Variants in GLB1L2 observed in about 807,000 individuals in gnomAD.
The protein encoded by GLB1L2 is galactosidase beta 1 like 2, also known as beta-galactosidase-1-like protein 2.
In GLB1L2, 68 loss-of-function variants were observed where a neutral mutation model predicts 84.1. The observed-to-expected ratio is 0.81, with a 90% CI of 0.67 to 0.99. GLB1L2 has a LOEUF of 0.99. GLB1L2 is among the 50% of genes least tolerant of loss of function. The probability of loss-of-function intolerance (pLI) is 0.00; values close to 1 mark genes in which losing one functional copy is unlikely to be tolerated. For synonymous variants in GLB1L2, 290 were observed against 318.0 expected (o/e 0.91, Z 0.94); for missense variants, 762 against 805.6 (o/e 0.95, Z 0.66).
At chr11:134,347,757 G>C (rs1943572230) in intron 5 of GLB1L2, among the ~76,000 whole-genome samples, 1 of 152,186 alleles carries the variant, frequency 6.6e-6, no homozygotes, top group Non-Finnish European at 1.5e-5. Context: ...GTTCCACAGA[G>C]ACAGGGATGA....
At chr11:134,343,936 A>G (rs769991714) in intron 2 of GLB1L2, among the ~76,000 whole-genome samples, 9 of 152,146 alleles carry the variant, frequency 5.9e-5, no homozygotes, top group Admixed American at 3.3e-4. Context: ...CCGCCTCTCG[A>G]GTTGAGCCTG....
chr11:134,359,436 G>A (rs1451910599), intron 7 of GLB1L2: 7 of 265,040 alleles, frequency 2.6e-5, no homozygotes, highest in African/African-American at 4.4e-5. Flanking sequence ...TCAGAACATC[G>A]CAGCTCCGTT....
intron 5 of GLB1L2, 179 bp from the exon 6 acceptor site, chr11:134,356,122 G>T: frequency 2.8e-6 from 2 of 706,440 alleles, no homozygotes; most frequent in South Asian, 1.4e-5. Context: ...TTGTTTTCTT[G>T]ATGTTTTCAT....
At chr11:134,352,174 T>C (rs1943643418) in intron 5 of GLB1L2, among the ~76,000 whole-genome samples, 1 of 152,180 alleles carries the variant, frequency 6.6e-6, no homozygotes, top group South Asian at 2.1e-4. Flanking sequence ...AGTTTTGGCA[T>C]ATTATATATT....
Position 134,359,055 on chromosome 11 carries a change from C to A in GLB1L2, c.652-5C>A. The A allele has an allele frequency of 6.3e-7, 1 of 1,584,218 alleles. No homozygotes were observed. Among genetic ancestry groups the A allele is most frequent in the Non-Finnish European group, 8.6e-7 (1 of 1,164,996 alleles). On this transcript the variant is annotated splice_polypyrimidine_tract_variant and splice_region_variant and intron_variant, in intron 6 of 18. Transcript: ENST00000535456. ...AGACGAGGGCTTGTCTCATTTCCCC[C>A]ACAGGCACTGGAGGACCGTGGCATT... is the stretch of plus-strand genomic sequence containing the variant.
intron 7 of GLB1L2, among the ~76,000 whole-genome samples, chr11:134,363,289 T>G (rs1163654883): frequency 6.6e-6 from 1 of 152,194 alleles, no homozygotes; most frequent in Non-Finnish European, 1.5e-5. Flanking sequence ...AGAGGCAAGT[T>G]ATTTCACTTC....
intron 1 of GLB1L2, 75 bp from the exon 2 acceptor site, chr11:134,342,678 AC>A: frequency 7.1e-7 from 1 of 1,399,818 alleles, no homozygotes; most frequent in Non-Finnish European, 9.8e-7. Flanking sequence ...AATGCCGAGG[AC>A]CTGCGAAGGG....
chr11:134,342,635 C>A, intron 1 of GLB1L2, 119 bp from the exon 2 acceptor site: 1 of 1,026,368 alleles, frequency 9.7e-7, no homozygotes, highest in Non-Finnish European at 1.4e-6. Flanking sequence ...GAGCTTTTCC[C>A]AGCCACCTGG....
rs565660483 is a variant in GLB1L2, at chr11:134,370,817, G to C, written c.1216-191G>C. ...CCTGCCTGCGGACTGCACTCTGCTG[G>C]TGCACACCCCTTTGCCCCACTCCTC... On this transcript the variant is annotated intron_variant, in intron 12 of 18. Transcript: ENST00000535456. This position sits in a 1 kb window ranked among gnomAD's most constrained non-coding sequence, Gnocchi z 4.7. Among the ~76,000 whole-genome samples, 2 of 152,262 alleles carry C rather than the reference G, an allele frequency of 1.3e-5. No individual in the cohort carries two copies. The highest frequency in any genetic ancestry group is 1.3e-4 in the Admixed American group (2 of 15,294).
chr11:134,364,295 C>T (rs1019702042), intron 7 of GLB1L2, 33 bp from the exon 8 acceptor site: 1 of 1,581,046 alleles, frequency 6.3e-7, no homozygotes, highest in Non-Finnish European at 8.7e-7. Context: ...TGAGACAGTG[C>T]TTTGTCTCTC....
intron 8 of GLB1L2, among the ~76,000 whole-genome samples, chr11:134,366,413 T>C (rs1383302219): frequency 3.3e-5 from 5 of 152,214 alleles, no homozygotes; most frequent in Non-Finnish European, 7.3e-5. Flanking sequence ...ATTTTGTTGC[T>C]GTGTATGCGG....
At chr11:134,344,076 GT>G (rs749943954) in intron 2 of GLB1L2, among the ~76,000 whole-genome samples, 1 of 152,204 alleles carries the variant, frequency 6.6e-6, no homozygotes, top group African/African-American at 2.4e-5. Flanking sequence ...CCTTGTAGCT[GT>G]TTTTTTGATA....
At position 134,373,806 on chromosome 11, in the gene GLB1L2, G is replaced by T. The variant is rs780771094; in HGVS notation, c.1593G>T (p.Gln531His). 1 of 1,602,904 alleles carries T rather than the reference G, an allele frequency of 6.2e-7. No homozygotes were observed. The highest frequency in any genetic ancestry group is 1.3e-5 in the African/African-American group (1 of 74,858). The change falls in exon 16 of 19, where the codon CAG (glutamine) becomes CAT (histidine). Residue 531 changes from glutamine (Q) to histidine (H), a missense_variant and splice_region_variant. Transcript: ENST00000535456. ...TGGATATGAAGAAGAGCTTCTTTCA[G>T]AGGTGGGTCCCTGCCCAGCACCAGC... ...YSLDMKKSFF[Q>H]RFGLDKWSSL...
In GLB1L2 at chr11:134,364,189, C is replaced by T. The variant is rs575338491; in HGVS notation, c.734-139C>T. On this transcript the variant is annotated intron_variant, in intron 7 of 18. Transcript: ENST00000535456. ...AGCCACCGCGCCTGACTGTGGCTGA[C>T]TTCTAACTGGAGGTGGGAAACGGTG... is the stretch of plus-strand genomic sequence containing the variant. 6.6e-5 allele frequency: 46 copies of T among 698,018 alleles called. No individual in the cohort carries two copies. The South Asian group carries it at 8.1e-4, about 12-fold the overall frequency. 43.2% of individuals were successfully genotyped at this position (698,018 alleles called of 1,614,324 possible). A position where few individuals can be genotyped will look rare whatever the true frequency, so the allele number is the denominator to read the frequency against.
chr11:134,353,405 G>GT (rs938143822), intron 5 of GLB1L2, among the ~76,000 whole-genome samples: 79 of 151,512 alleles, frequency 5.2e-4, no homozygotes, highest in African/African-American at 8.2e-4. Context: ...GCAAGACTCT[G>GT]TTTTTTTTTA....
chr11:134,343,337 C>G (rs2136264115), intron 2 of GLB1L2, among the ~76,000 whole-genome samples: 1 of 152,274 alleles, frequency 6.6e-6, no homozygotes, highest in East Asian at 1.9e-4. Context: ...TTTCAGCACT[C>G]CTCTTGGGCA....
intron 16 of GLB1L2, 44 bp from the exon 17 acceptor site, chr11:134,374,101 T>C: frequency 4.3e-6 from 6 of 1,408,094 alleles, no homozygotes; most frequent in Non-Finnish European, 6.0e-6. Context: ...GCTGGTGGAT[T>C]GAGAAGGGCC....
At chr11:134,367,411 G>A (rs548173840) in intron 9 of GLB1L2, 70 bp downstream of exon 9, 20 of 1,314,646 alleles carry the variant, frequency 1.5e-5, no homozygotes, top group Non-Finnish European at 2.2e-5. Flanking sequence ...TCAGTCACCT[G>A]CTAACTAATG....
rs201243694 is a variant in GLB1L2, at chr11:134,371,496, C to A, written c.1428+4C>A. The A allele has an allele frequency of 1.3e-6, 2 of 1,568,802 alleles. No homozygotes were observed. The highest frequency in any genetic ancestry group is 1.8e-6 in the Non-Finnish European group (2 of 1,138,898). On this transcript the variant is annotated splice_donor_region_variant and intron_variant, in intron 14 of 18. Coordinates refer to ENST00000535456, the MANE Select transcript of GLB1L2 (RefSeq NM_001370461.1). ...GATTGCTGTCCCCCTGATCCAGGTT[C>A]GTTGTTTTTGGGAGCTGGGTGATGG...
Sources: gnomAD v4.1 joint callset for allele counts (sites outside exome capture counted in the v4.1 genomes callset) on GRCh38, gnomAD v4.1.1 for gene constraint, Gnocchi (gnomAD v3.1) non-coding constraint, MANE v1.5 for transcripts, NCBI Gene and HGNC (gene_info 2026-07-23, HGNC 2026-07-21) for gene names.